The following ADAMTSL1 variants were observed in gnomAD, a reference collection of about 807,000 sequenced individuals.
ADAMTSL1 encodes the protein ADAMTS-like protein 1.
ADAMTSL1 carries 126 observed loss-of-function variants against 201.8 expected under a neutral mutation model. The observed-to-expected ratio is 0.62, with a 90% CI of 0.54 to 0.72. The LOEUF is 0.72. Ranked by LOEUF, ADAMTSL1 falls within the 30% of genes least tolerant of loss-of-function variation. The pLI, the probability that ADAMTSL1 is intolerant of heterozygous loss-of-function variation, is 0.00. For synonymous variants in ADAMTSL1, 1,121 were observed against 903.4 expected (o/e 1.24, Z -4.32); for missense variants, 2,679 against 2,277.8 (o/e 1.18, Z -3.59).
rs1830521804 is a variant in ADAMTSL1, at chr9:18,910,125, TG to T, written c.*1579del. ...ATCAGGGCTGCATTTCCAGCCAGCC[TG>T]GAAGTAAAATTTGAGAGGAAGACAA... On this transcript the variant is annotated 3_prime_UTR_variant, in exon 29 of 29. Coordinates refer to ENST00000380548, the MANE Select transcript of ADAMTSL1 (RefSeq NM_001040272.6). 1 of 152,164 alleles carries T rather than the reference TG, an allele frequency of 6.6e-6. No individual in the cohort carries two copies. Among genetic ancestry groups the T allele is most frequent in the Admixed American group, 6.5e-5 (1 of 15,276 alleles). The allele number at this position is 152,164 out of a possible 1,614,324, so 9.4% of individuals were successfully genotyped here.
intron 4 of ADAMTSL1, among the ~76,000 whole-genome samples, chr9:18,621,599 C>CACAG (rs1024727199): frequency 7.0e-6 from 1 of 142,330 alleles, no homozygotes; most frequent in Non-Finnish European, 1.5e-5. Context: ...CACACACACA[C>CACAG]AGTAAGTTTG....
intron 19 of ADAMTSL1, among the ~76,000 whole-genome samples, chr9:18,795,012 G>A (rs1043758848): frequency 6.6e-6 from 1 of 152,152 alleles, no homozygotes; most frequent in Non-Finnish European, 1.5e-5. Context: ...CTTCTCTTTT[G>A]TAACTTTGCT....
chr9:18,861,779 T>C (rs1827229224), intron 23 of ADAMTSL1, among the ~76,000 whole-genome samples: 1 of 152,140 alleles, frequency 6.6e-6, no homozygotes, highest in Non-Finnish European at 1.5e-5. Flanking sequence ...CCAGAGCATA[T>C]TCTTATCCCA....
chr9:18,179,501 A>G (rs375867660), intron 2 of ADAMTSL1, among the ~76,000 whole-genome samples: 3 of 152,284 alleles, frequency 2.0e-5, no homozygotes, highest in East Asian at 3.9e-4. Context: ...GCAGGCCAAC[A>G]TTCAGATTCA....
At chr9:18,817,491 A>G (rs1473133035) in intron 21 of ADAMTSL1, among the ~76,000 whole-genome samples, 1 of 152,222 alleles carries the variant, frequency 6.6e-6, no homozygotes, top group African/African-American at 2.4e-5. Flanking sequence ...AGCCTTCCAT[A>G]CAGATAGAAT....
chr9:18,352,382 C>T (rs963499907), intron 2 of ADAMTSL1, among the ~76,000 whole-genome samples: 1 of 152,198 alleles, frequency 6.6e-6, no homozygotes, highest in Non-Finnish European at 1.5e-5. Flanking sequence ...TGTTCTAAAT[C>T]TTCCTTCTAC....
At chr9:18,773,906 G>A (rs759213490) in intron 17 of ADAMTSL1, among the ~76,000 whole-genome samples, 1 of 152,168 alleles carries the variant, frequency 6.6e-6, no homozygotes, top group Non-Finnish European at 1.5e-5. Context: ...GGTGGAATCT[G>A]GAACCCATAA....
At chr9:17,959,444 TTTTTTTATTTTTA>T (rs1298352963) in intron 1 of ADAMTSL1, among the ~76,000 whole-genome samples, 8 of 152,200 alleles carry the variant, frequency 5.3e-5, no homozygotes, top group African/African-American at 1.7e-4. Context: ...TTTAATCTGA[TTTTTTTATTTTTA>T]TTTTTTATTT....
At chr9:18,600,293 A>T (rs1040762347) in intron 4 of ADAMTSL1, among the ~76,000 whole-genome samples, 2 of 152,204 alleles carry the variant, frequency 1.3e-5, no homozygotes, top group Non-Finnish European at 2.9e-5. Context: ...ACCATGCCAG[A>T]CACTCCCAAG....
chr9:18,242,231 A>G (rs973631603), intron 2 of ADAMTSL1, among the ~76,000 whole-genome samples: 1 of 152,176 alleles, frequency 6.6e-6, no homozygotes. Flanking sequence ...AATGTAATAT[A>G]TCATGTTAAC....
intron 20 of ADAMTSL1, among the ~76,000 whole-genome samples, chr9:18,800,883 C>A (rs1822750868): frequency 6.6e-6 from 1 of 152,172 alleles, no homozygotes; most frequent in Non-Finnish European, 1.5e-5. Context: ...GGCAGAACCA[C>A]TTCTGGCCTT....
At chr9:18,892,325 G>T in intron 25 of ADAMTSL1, 64 bp from the exon 26 acceptor site, 1 of 1,494,816 alleles carries the variant, frequency 6.7e-7, no homozygotes. Flanking sequence ...TCGGTGGGGA[G>T]GAGGTCTCTT....
intron 2 of ADAMTSL1, among the ~76,000 whole-genome samples, chr9:18,370,409 C>T (rs560861003): frequency 6.7e-4 from 102 of 152,194 alleles, no homozygotes; most frequent in African/African-American, 2.4e-3. Flanking sequence ...CTCACCATTA[C>T]ACAACATATC....
intron 1 of ADAMTSL1, among the ~76,000 whole-genome samples, chr9:18,043,332 C>T (rs1821510811): frequency 6.6e-6 from 1 of 151,926 alleles, no homozygotes; most frequent in Admixed American, 6.6e-5. Flanking sequence ...GAAAAAATGC[C>T]CAAGAAAGTA....
At chr9:18,793,848 C>T (rs1359417546) in intron 19 of ADAMTSL1, among the ~76,000 whole-genome samples, 1 of 152,132 alleles carries the variant, frequency 6.6e-6, no homozygotes, top group East Asian at 1.9e-4. Flanking sequence ...CAGCCAGCCT[C>T]ACTAAGTCAC....
At chr9:18,879,725 T>C (rs1828407351) in intron 23 of ADAMTSL1, among the ~76,000 whole-genome samples, 1 of 152,230 alleles carries the variant, frequency 6.6e-6, no homozygotes, top group African/African-American at 2.4e-5. Context: ...TGCCTTCATG[T>C]TGATGGTTGC....
intron 15 of ADAMTSL1, among the ~76,000 whole-genome samples, chr9:18,722,689 C>A (rs759610459): frequency 1.9e-4 from 29 of 152,158 alleles, no homozygotes; most frequent in Non-Finnish European, 3.7e-4. Flanking sequence ...CAGAGTTGTT[C>A]TGTATGATGA....
intron 1 of ADAMTSL1, among the ~76,000 whole-genome samples, chr9:18,138,538 G>A (rs958698241): frequency 1.3e-5 from 2 of 152,096 alleles, no homozygotes; most frequent in African/African-American, 2.4e-5. Context: ...GCTGGTGTGC[G>A]GCCATGGCTA....
chr9:18,118,118 A>C (rs1825331711), intron 1 of ADAMTSL1, among the ~76,000 whole-genome samples: 1 of 152,184 alleles, frequency 6.6e-6, no homozygotes, highest in African/African-American at 2.4e-5. Flanking sequence ...CTCTCACTTG[A>C]TGAGTTTCAT....
Sources: allele counts gnomAD v4.1 joint callset (sites outside exome capture counted in the v4.1 genomes callset), GRCh38; gene constraint gnomAD v4.1.1; transcripts MANE v1.5; gene names NCBI Gene and HGNC (gene_info 2026-07-23, HGNC 2026-07-21).